Variants in THEMIS2 observed in about 807,000 individuals in gnomAD.
The protein encoded by THEMIS2 is protein THEMIS2.
In THEMIS2, 29 loss-of-function variants were observed where a neutral mutation model predicts 46.8. That is an observed-to-expected ratio of 0.62 (90% confidence interval 0.46 to 0.84). THEMIS2 has a LOEUF of 0.84. THEMIS2 is among the 40% of genes least tolerant of loss of function. The pLI is 0.00. For missense variants in THEMIS2, 698 were observed against 834.7 expected, an observed-to-expected ratio of 0.84 and a Z score of 2.02; for synonymous variants, 335 against 349.1, an observed-to-expected ratio of 0.96 and a Z score of 0.45.
chr1:27,884,979 A>G, intron 4 of THEMIS2: 2 of 242,566 alleles, frequency 8.2e-6, no homozygotes, highest in South Asian at 4.5e-5. Context: ...TTCTTACGGT[A>G]TCCCCACTTT....
Position 27,886,498 on chromosome 1 carries a change from C to T in THEMIS2, c.*576C>T, listed in dbSNP as rs1316877053. Reference sequence around the variant, plus strand: ...AAGAACACAACCTTAGGACCTTGGGCCCCAAAAGCTGGTGGTGAAATGAGG... The same window carrying T: ...AAGAACACAACCTTAGGACCTTGGGTCCCAAAAGCTGGTGGTGAAATGAGG... On this transcript the variant is annotated 3_prime_UTR_variant, in exon 6 of 6. Coordinates refer to ENST00000373921, the MANE Select transcript of THEMIS2 (RefSeq NM_001105556.3). 1.4e-5 allele frequency: 2 copies of T among 138,368 alleles called. No individual in the cohort carries two copies. The highest frequency in any genetic ancestry group is 5.9e-5 in the African/African-American group (2 of 33,866). 8.6% of individuals were successfully genotyped at this position (138,368 alleles called of 1,614,324 possible).
chr1:27,881,920 G>A (rs781412000), intron 3 of THEMIS2, 51 bp from the exon 4 acceptor site: 2 of 1,462,444 alleles, frequency 1.4e-6, no homozygotes, highest in South Asian at 1.3e-5. Flanking sequence ...CCTGGGGTGG[G>A]GGCCACTCCT....
At chr1:27,881,497 C>T (rs2089677941) in intron 3 of THEMIS2, among the ~76,000 whole-genome samples, 3 of 151,042 alleles carry the variant, frequency 2.0e-5, no homozygotes, top group Middle Eastern at 3.2e-3. Flanking sequence ...GGGAATGTGG[C>T]GTAGTGTAAA....
rs1024703875 is a variant in THEMIS2, at chr1:27,882,125, G to A, written c.801G>A (p.Glu267=). Residue 267 remains glutamate, a synonymous_variant, in exon 4 of 6, where the codon GAG becomes GAA. Transcript: ENST00000373921. This position sits in a 1 kb window ranked among gnomAD's most constrained non-coding sequence, Gnocchi z 7.6. The part of the protein sequence containing the change: ...GPFPLSMEIL[E]VPEGRPIFLS... The stretch of plus-strand genomic sequence containing the variant: ...TCCCCCTGTCCATGGAGATCCTGGA[G>A]GTTCCTGAGGGCCGCCCCATCTTCC... 5 of 1,614,110 alleles carry A rather than the reference G, an allele frequency of 3.1e-6. No individual in the cohort carries two copies. In the Admixed American group the frequency reaches 5.0e-5, roughly 16 times the overall value.
At chr1:27,880,150 C>A (rs992275572) in intron 3 of THEMIS2, 96 bp downstream of exon 3, 2 of 1,363,560 alleles carry the variant, frequency 1.5e-6, no homozygotes, top group African/African-American at 1.5e-5. Flanking sequence ...CACCCCATCC[C>A]TGAGGATCAG....
intron 2 of THEMIS2, among the ~76,000 whole-genome samples, chr1:27,877,548 C>T (rs1000750738): frequency 3.3e-5 from 5 of 152,024 alleles, no homozygotes; most frequent in African/African-American, 4.8e-5. Context: ...AGGATGATCT[C>T]GATCTCCTGA....
At chr1:27,878,994 G>A (rs2089632233) in intron 2 of THEMIS2, among the ~76,000 whole-genome samples, 1 of 152,128 alleles carries the variant, frequency 6.6e-6, no homozygotes, top group Admixed American at 6.5e-5. Context: ...GTCCCAGCTT[G>A]TGCAGTGTTT....
intron 1 of THEMIS2, among the ~76,000 whole-genome samples, chr1:27,875,979 G>A (rs909789075): frequency 6.6e-6 from 1 of 152,062 alleles, no homozygotes; most frequent in Non-Finnish European, 1.5e-5. Flanking sequence ...TGGGATTACA[G>A]GCGTGAGCCA....
chr1:27,881,876 G>T, intron 3 of THEMIS2, 95 bp from the exon 4 acceptor site: 1 of 943,218 alleles, frequency 1.1e-6, no homozygotes. Flanking sequence ...ACAGCAGCGG[G>T]AGGGAGGCCA....
At position 27,886,136 on chromosome 1, in the gene THEMIS2, T is replaced by C. The variant is rs2148646018; in HGVS notation, c.*214T>C. The C allele has an allele frequency of 1.8e-6, 1 of 558,374 alleles. No homozygotes were observed. The highest frequency in any genetic ancestry group is 1.9e-5 in the African/African-American group (1 of 52,834). 34.6% of individuals were successfully genotyped at this position (558,374 alleles called of 1,614,324 possible). Reference sequence around the variant, plus strand: ...AGGGCGGGCTGGTTTGGACCTAACATCTCGCACGTGACTCCCTCAGCCTCA... The same window carrying C: ...AGGGCGGGCTGGTTTGGACCTAACACCTCGCACGTGACTCCCTCAGCCTCA... On this transcript the variant is annotated 3_prime_UTR_variant, in exon 6 of 6. Coordinates refer to ENST00000373921, the MANE Select transcript of THEMIS2 (RefSeq NM_001105556.3).
chr1:27,880,579 A>T (rs566791109), intron 3 of THEMIS2, among the ~76,000 whole-genome samples: 2 of 152,320 alleles, frequency 1.3e-5, no homozygotes, highest in South Asian at 2.1e-4. Context: ...GCTTGATCTC[A>T]GGTGTTCCAG....
At chr1:27,877,727 G>A (rs1159241119) in intron 2 of THEMIS2, among the ~76,000 whole-genome samples, 1 of 152,194 alleles carries the variant, frequency 6.6e-6, no homozygotes, top group Non-Finnish European at 1.5e-5. Context: ...GGGCAAGCTA[G>A]GCAGGTTCCT....
At chr1:27,877,975 C>A (rs1268773581) in intron 2 of THEMIS2, among the ~76,000 whole-genome samples, 1 of 151,830 alleles carries the variant, frequency 6.6e-6, no homozygotes, top group Non-Finnish European at 1.5e-5. Context: ...CATGGTGAAA[C>A]CCCATCTCTG....
At position 27,879,673 on chromosome 1, in the gene THEMIS2, A is replaced by G. The variant is rs2089644391; in HGVS notation, c.265A>G (p.Ser89Gly). 3 of 1,609,068 alleles carry G rather than the reference A, an allele frequency of 1.9e-6. No individual in the cohort carries two copies. The highest frequency in any genetic ancestry group is 2.5e-6 in the Non-Finnish European group (3 of 1,176,858). The change falls in exon 3 of 6, where the codon AGC becomes GGC. Residue 89 changes from serine (S) to glycine (G), a missense_variant. Transcript: ENST00000373921. ...GYFTPLNTPQSYETLEELVSA... is the reference protein window; with the variant it reads ...GYFTPLNTPQGYETLEELVSA... ...CTTCACCCCCCTCAACACCCCACAG[A>G]GCTATGAAACCCTGGAGGAGCTGGT...
At chr1:27,874,084 G>A (rs1028446635) in intron 1 of THEMIS2, among the ~76,000 whole-genome samples, 2 of 130,468 alleles carry the variant, frequency 1.5e-5, no homozygotes, top group East Asian at 5.2e-4. Flanking sequence ...CCAGGCTGGA[G>A]TGCAGTGGCA....
intron 2 of THEMIS2, among the ~76,000 whole-genome samples, chr1:27,878,359 T>G (rs1439444432): frequency 6.7e-6 from 1 of 150,100 alleles, no homozygotes; most frequent in Non-Finnish European, 1.5e-5. Context: ...TGTTTCATTT[T>G]TAGTAGAGAC....
intron 1 of THEMIS2, among the ~76,000 whole-genome samples, chr1:27,873,494 T>A (rs1279873886): frequency 1.3e-5 from 2 of 152,022 alleles, no homozygotes; most frequent in African/African-American, 4.8e-5. Flanking sequence ...AACTGAGGCT[T>A]GAAGGCCCTG....
intron 3 of THEMIS2, 94 bp from the exon 4 acceptor site, chr1:27,881,877 A>C: frequency 1.1e-6 from 1 of 923,032 alleles, no homozygotes; most frequent in Non-Finnish European, 1.6e-6. Context: ...CAGCAGCGGG[A>C]GGGAGGCCAG....
intron 1 of THEMIS2, among the ~76,000 whole-genome samples, chr1:27,874,290 C>A (rs2089540542): frequency 6.6e-6 from 1 of 151,936 alleles, no homozygotes; most frequent in South Asian, 2.1e-4. Flanking sequence ...CTGCCTCGGC[C>A]TCCCAAAGTG....
Sources: gnomAD v4.1 joint callset for allele counts (sites outside exome capture counted in the v4.1 genomes callset) on GRCh38, gnomAD v4.1.1 for gene constraint, Gnocchi (gnomAD v3.1) non-coding constraint, MANE v1.5 for transcripts, NCBI Gene and HGNC (gene_info 2026-07-23, HGNC 2026-07-21) for gene names.